Variants in SHB observed in about 807,000 individuals in gnomAD.
The protein encoded by SHB is SH2 domain containing adaptor protein B, also known as SH2 domain-containing adapter protein B.
SHB carries 20 observed loss-of-function variants against 52.3 expected under a neutral mutation model. That is an observed-to-expected ratio of 0.38 (90% confidence interval 0.27 to 0.56). The LOEUF (loss-of-function observed/expected upper bound fraction) is 0.56, where lower values mean the gene tolerates loss of function less well. SHB is among the 20% of genes least tolerant of loss of function. The pLI, the probability that SHB is intolerant of heterozygous loss-of-function variation, is 0.71. For missense variants in SHB, 825 were observed against 723.3 expected, an observed-to-expected ratio of 1.14 and a Z score of -1.61; for synonymous variants, 397 against 316.5, an observed-to-expected ratio of 1.25 and a Z score of -2.70.
intron 1 of SHB, among the ~76,000 whole-genome samples, chr9:38,066,238 G>T (rs1310422604): frequency 6.6e-6 from 1 of 152,236 alleles, no homozygotes; most frequent in Non-Finnish European, 1.5e-5. Flanking sequence ...AATGTTTACT[G>T]AAGTTTTGAA....
intron 5 of SHB, among the ~76,000 whole-genome samples, chr9:37,933,637 T>C (rs1202718137): frequency 2.0e-5 from 3 of 152,166 alleles, no homozygotes; most frequent in Admixed American, 6.5e-5. Flanking sequence ...CTGATGCATG[T>C]TCAAGTTTGA....
At chr9:38,000,151 G>A (rs1473892275) in intron 2 of SHB, among the ~76,000 whole-genome samples, 1 of 152,224 alleles carries the variant, frequency 6.6e-6, no homozygotes, top group African/African-American at 2.4e-5. Context: ...GCAGTGGAGA[G>A]AGAAAAGAGA....
At chr9:38,007,973 C>T (rs1035456811) in intron 2 of SHB, among the ~76,000 whole-genome samples, 1 of 152,156 alleles carries the variant, frequency 6.6e-6, no homozygotes, top group African/African-American at 2.4e-5. Flanking sequence ...AGAGGCTGTA[C>T]CACTCCTTCT....
chr9:38,059,810 G>C (rs375649318), intron 1 of SHB, among the ~76,000 whole-genome samples: 1 of 152,208 alleles, frequency 6.6e-6, no homozygotes, highest in East Asian at 1.9e-4. Flanking sequence ...CACCAGCTCT[G>C]CCTCTGCTGT....
chr9:37,996,502 C>G (rs1354495460), intron 2 of SHB, among the ~76,000 whole-genome samples: 1 of 152,194 alleles, frequency 6.6e-6, no homozygotes, highest in Non-Finnish European at 1.5e-5. Flanking sequence ...AGCAGCAGTT[C>G]TTTAAAAAAA....
intron 5 of SHB, among the ~76,000 whole-genome samples, chr9:37,938,549 G>A (rs149184585): frequency 9.2e-5 from 14 of 152,340 alleles, no homozygotes; most frequent in South Asian, 2.1e-4. Flanking sequence ...CAACTGTCCC[G>A]GGGCACGAGA....
chr9:38,058,983 G>A (rs1172887545), intron 1 of SHB, among the ~76,000 whole-genome samples: 2 of 152,184 alleles, frequency 1.3e-5, no homozygotes, highest in Admixed American at 1.3e-4. Flanking sequence ...TGACGTAACT[G>A]TATTTACTTG....
intron 5 of SHB, among the ~76,000 whole-genome samples, chr9:37,932,824 A>C (rs1832329215): frequency 6.6e-6 from 1 of 152,180 alleles, no homozygotes; most frequent in Non-Finnish European, 1.5e-5. Flanking sequence ...GACGTTGCCC[A>C]GGCTAGTCTT....
rs1832693503 is a variant in SHB at position 37,961,696 on chromosome 9, CA to C, written c.1055-5643del. Among the ~76,000 whole-genome samples the C allele has an allele frequency of 1.3e-4, 20 of 152,210 alleles. 1 individual carries two copies. Among genetic ancestry groups the C allele is most frequent in the Non-Finnish European group, 5.9e-5 (4 of 68,032 alleles). On this transcript the variant is annotated intron_variant, in intron 3 of 5. Transcript: ENST00000377707. ...ATCCCTTTACTTCACTATTTCTCTG[CA>C]AAAACCCCAGCTATTCTTCAGAGCT... is the stretch of plus-strand genomic sequence containing the variant.
chr9:37,920,940 AGCCT>A (rs1382972006), intron 5 of SHB, among the ~76,000 whole-genome samples: 2 of 152,140 alleles, frequency 1.3e-5, no homozygotes, highest in Non-Finnish European at 2.9e-5. Context: ...CAGCCCTTGC[AGCCT>A]GCCTGCATCA....
intron 5 of SHB, among the ~76,000 whole-genome samples, chr9:37,946,168 T>C (rs1832489023): frequency 6.6e-6 from 1 of 152,194 alleles, no homozygotes; most frequent in South Asian, 2.1e-4. Context: ...ACAAGGCCAG[T>C]GAGTGCAGGA....
chr9:38,059,441 G>A (rs1179507577), intron 1 of SHB, among the ~76,000 whole-genome samples: 1 of 152,192 alleles, frequency 6.6e-6, no homozygotes, highest in Non-Finnish European at 1.5e-5. Context: ...TCCCCTTGGA[G>A]AAACTGGAAA....
intron 5 of SHB, among the ~76,000 whole-genome samples, chr9:37,939,426 G>A (rs939156242): frequency 1.3e-5 from 2 of 152,208 alleles, no homozygotes; most frequent in South Asian, 2.1e-4. Flanking sequence ...AATGAGTTGC[G>A]CTTTCTTCAC....
In SHB at chr9:37,963,318, G is replaced by A. The variant is rs56833164; in HGVS notation, c.1055-7264C>T. On this transcript the variant is annotated intron_variant, in intron 3 of 5. Coordinates refer to ENST00000377707, the MANE Select transcript of SHB (RefSeq NM_003028.3). The stretch of plus-strand genomic sequence containing the variant: ...TCTCAGTTCTCCAGTATAAGATGGA[G>A]TTTCCTTTAAACAGAGGCAATAAAG... Among the ~76,000 whole-genome samples, 259 of 152,332 alleles carry A rather than the reference G, an allele frequency of 1.7e-3. 5 individuals carry two copies. In the East Asian group the frequency reaches 0.046, roughly 27 times the overall value.
intron 1 of SHB, among the ~76,000 whole-genome samples, chr9:38,025,438 G>T (rs1270208045): frequency 6.6e-6 from 1 of 152,200 alleles, no homozygotes; most frequent in Non-Finnish European, 1.5e-5. Flanking sequence ...GGGAAAATGG[G>T]CCTGAGAAGG....
intron 1 of SHB, among the ~76,000 whole-genome samples, chr9:38,024,206 C>T (rs1057200093): frequency 2.6e-5 from 4 of 152,254 alleles, no homozygotes; most frequent in African/African-American, 9.6e-5. Context: ...GATGTGGCAA[C>T]ACAGTCCTCT....
intron 2 of SHB, chr9:38,015,371 T>C: frequency 1.4e-6 from 1 of 702,174 alleles, no homozygotes; most frequent in Non-Finnish European, 2.6e-6. Flanking sequence ...GGATGCTGCA[T>C]ACCCAGCCAC....
intron 1 of SHB, among the ~76,000 whole-genome samples, chr9:38,029,607 C>T (rs1176837361): frequency 1.3e-5 from 2 of 152,162 alleles, no homozygotes; most frequent in Non-Finnish European, 2.9e-5. Flanking sequence ...TCTCTCACCT[C>T]TGCCTCCCGA....
At chr9:38,045,259 A>C (rs1201472511) in intron 1 of SHB, among the ~76,000 whole-genome samples, 1 of 152,210 alleles carries the variant, frequency 6.6e-6, no homozygotes, top group Non-Finnish European at 1.5e-5. Flanking sequence ...TCAAGACTAC[A>C]GCCACATGGG....
Sources: allele counts gnomAD v4.1 joint callset (sites outside exome capture counted in the v4.1 genomes callset), GRCh38; gene constraint gnomAD v4.1.1; transcripts MANE v1.5; gene names NCBI Gene and HGNC (gene_info 2026-07-23, HGNC 2026-07-21).